Variants in MSANTD2 observed in about 807,000 individuals in gnomAD.
MSANTD2 encodes the protein myb/SANT-like DNA-binding domain-containing protein 2.
MSANTD2 carries 19 observed loss-of-function variants against 52.6 expected under a neutral mutation model. The observed-to-expected ratio is 0.36, with a 90% CI of 0.25 to 0.53. The LOEUF (loss-of-function observed/expected upper bound fraction) is 0.53. MSANTD2 is among the 20% of genes least tolerant of loss of function. The pLI is 0.91. For synonymous variants in MSANTD2, 291 were observed against 289.7 expected, an observed-to-expected ratio of 1.00 and a Z score of -0.04; for missense variants, 558 against 716.3, an observed-to-expected ratio of 0.78 and a Z score of 2.52.
chr11:124,790,598 AG>A (rs1945299538), intron 1 of MSANTD2: 1 of 152,266 alleles, frequency 6.6e-6, no homozygotes, highest in South Asian at 2.1e-4. Flanking sequence ...TACTGCAAGA[AG>A]CCTCTAAATA....
intron 1 of MSANTD2, among the ~76,000 whole-genome samples, chr11:124,794,354 G>A (rs914108236): frequency 6.6e-5 from 10 of 152,136 alleles, no homozygotes. Flanking sequence ...TTAAATATAA[G>A]TGTATGATTG....
intron 1 of MSANTD2, among the ~76,000 whole-genome samples, chr11:124,794,713 G>A (rs959006752): frequency 6.6e-6 from 1 of 152,058 alleles, no homozygotes; most frequent in Non-Finnish European, 1.5e-5. Context: ...TAATTGCAAG[G>A]CTTCAGAGCT....
At position 124,767,394 on chromosome 11, in the gene MSANTD2, A is replaced by C; in HGVS notation, c.1462T>G (p.Cys488Gly). Reference sequence around the variant, plus strand: ...TTCGCTTGGAAATGTAAAAATAAGCACTGCTGTAGAGTCCTGACCTCAGCA... The same window carrying C: ...TTCGCTTGGAAATGTAAAAATAAGCCCTGCTGTAGAGTCCTGACCTCAGCA... Reference protein sequence around the residue: ...GIAEVRTLQQCLFLHFQANTK... With the variant: ...GIAEVRTLQQGLFLHFQANTK... The change falls in exon 4 of 4, where the codon TGC becomes GGC. Residue 488 changes from cysteine (C) to glycine (G), a missense_variant. Around this residue, in one of 2 missense-constraint regions of MSANTD2, gnomAD observed 408 missense variants for 573.6 expected, o/e 0.71. Coordinates refer to ENST00000374979, the MANE Select transcript of MSANTD2 (RefSeq NM_001308027.2). The surrounding 1 kb of genome is among the most constrained non-coding windows in gnomAD (Gnocchi z 6.5). 6.2e-7 allele frequency: 1 copy of C among 1,614,172 alleles called. No individual in the cohort carries two copies. Among genetic ancestry groups the C allele is most frequent in the Non-Finnish European group, 8.5e-7 (1 of 1,180,026 alleles).
At chr11:124,796,985 A>G (rs1481782147) in intron 1 of MSANTD2, among the ~76,000 whole-genome samples, 1 of 152,212 alleles carries the variant, frequency 6.6e-6, no homozygotes, top group East Asian at 1.9e-4. Context: ...TTGAACATCC[A>G]CTTCATAATT....
chr11:124,769,654 T>C (rs1309407738), intron 3 of MSANTD2, among the ~76,000 whole-genome samples: 6 of 152,230 alleles, frequency 3.9e-5, no homozygotes, highest in Non-Finnish European at 8.8e-5. Flanking sequence ...GCCTGACATA[T>C]AGTAGGCACT....
At chr11:124,798,305 C>CT (rs1945562470) in intron 1 of MSANTD2, among the ~76,000 whole-genome samples, 1 of 149,250 alleles carries the variant, frequency 6.7e-6, no homozygotes, top group African/African-American at 2.5e-5. Flanking sequence ...GTCCTAGCTA[C>CT]TGGGGAGGAT....
chr11:124,784,905 T>A lies in MSANTD2; in HGVS notation c.511-9931A>T, dbSNP rs1161653483. On this transcript the variant is annotated intron_variant, in intron 1 of 3. Transcript: ENST00000374979. ...ATGTAAACATTCAAAAAATATATAT[T>A]TTTTGCATTTACACAGTGTAAACTA... is the stretch of plus-strand genomic sequence containing the variant. 2.6e-5 allele frequency among the ~76,000 whole-genome samples: 4 copies of A among 152,130 alleles called. No individual in the cohort carries two copies. In the East Asian group the frequency reaches 5.8e-4, roughly 22 times the overall value.
chr11:124,790,378 CT>C (rs1945292826), intron 1 of MSANTD2: 1 of 152,206 alleles, frequency 6.6e-6, no homozygotes, highest in Admixed American at 6.5e-5. Flanking sequence ...CTATGAAATA[CT>C]GTTATGGTCT....
chr11:124,790,181 C>A (rs920649727), intron 1 of MSANTD2: 6 of 152,300 alleles, frequency 3.9e-5, no homozygotes, highest in African/African-American at 1.4e-4. Context: ...AATTTTAGTT[C>A]TTACTCTCTG....
At position 124,779,527 on chromosome 11, in the gene MSANTD2, G is replaced by A. The variant is rs534551488; in HGVS notation, c.511-4553C>T. ...CATACATGGAATGGAGCACTATAAC[G>A]TGGAGGAACAGAAATAAGGCATAAC... On this transcript the variant is annotated intron_variant, in intron 1 of 3. Transcript: ENST00000374979. This position sits in a 1 kb window ranked among gnomAD's most constrained non-coding sequence, Gnocchi z 4.6. 1.1e-4 allele frequency among the ~76,000 whole-genome samples: 17 copies of A among 152,294 alleles called. No homozygotes were observed. Among genetic ancestry groups the A allele is most frequent in the African/African-American group, 3.9e-4 (16 of 41,548 alleles).
intron 1 of MSANTD2, among the ~76,000 whole-genome samples, chr11:124,788,214 A>T (rs1283352070): frequency 6.6e-6 from 1 of 152,184 alleles, no homozygotes; most frequent in Non-Finnish European, 1.5e-5. Flanking sequence ...CAGAGTGAGG[A>T]ATAGGCCTCA....
intron 1 of MSANTD2, among the ~76,000 whole-genome samples, chr11:124,794,106 A>C (rs112334678): frequency 6.6e-6 from 1 of 152,222 alleles, no homozygotes; most frequent in South Asian, 2.1e-4. Flanking sequence ...TGGCTATCAT[A>C]CTGAACTGAG....
At chr11:124,785,694 G>C (rs891153916) in intron 1 of MSANTD2, among the ~76,000 whole-genome samples, 2 of 151,224 alleles carry the variant, frequency 1.3e-5, no homozygotes, top group Non-Finnish European at 2.9e-5. Flanking sequence ...CCAGACAGCT[G>C]GGGGGGGACT....
intron 1 of MSANTD2, chr11:124,775,185 CAATT>C (rs1944691056): frequency 2.2e-5 from 11 of 507,002 alleles, no homozygotes; most frequent in Admixed American, 3.7e-5. Context: ...AATTATTTTG[CAATT>C]AATTATCCAT....
chr11:124,791,613 G>A (rs1945334181), intron 1 of MSANTD2: 1 of 1,479,320 alleles, frequency 6.8e-7, no homozygotes, highest in Non-Finnish European at 9.4e-7. Context: ...CAATATCAGT[G>A]GGATCGGCAG....
chr11:124,769,165 A>G (rs1289427045), intron 3 of MSANTD2, among the ~76,000 whole-genome samples: 1 of 152,202 alleles, frequency 6.6e-6, no homozygotes, highest in Non-Finnish European at 1.5e-5. Flanking sequence ...CATACCTTCT[A>G]GGGGAGGAGC....
chr11:124,768,495 C>T (rs952848680), intron 3 of MSANTD2, among the ~76,000 whole-genome samples: 7 of 152,244 alleles, frequency 4.6e-5, no homozygotes, highest in South Asian at 2.1e-4. Context: ...AAGTATCTGG[C>T]GTCACTTAAA....
intron 3 of MSANTD2, among the ~76,000 whole-genome samples, chr11:124,769,324 T>G (rs897703364): frequency 6.6e-6 from 1 of 152,184 alleles, no homozygotes; most frequent in Admixed American, 6.5e-5. Flanking sequence ...CCCTCTATCC[T>G]TTAGTTTGTC....
Position 124,767,487 on chromosome 11 carries a change from G to A in MSANTD2, c.1369C>T (p.Leu457Phe), listed in dbSNP as rs777702523. 1.2e-6 allele frequency: 2 copies of A among 1,614,200 alleles called. No homozygotes were observed. The highest frequency in any genetic ancestry group is 8.5e-7 in the Non-Finnish European group (1 of 1,180,028). ...ACCTGTAATGAGGCTTGTGCTGAAA[G>A]GGTTTCCAGGTCAACCCGGCCCTCT... The part of the protein sequence containing the change: ...GKEGRVDLET[L>F]SAQASLQVEI... Residue 457 changes from leucine to phenylalanine, a missense_variant, in exon 4 of 4, where the codon CTT becomes TTT. Physicochemically the swap from Leu to Phe is conservative, Grantham distance 22. Transcript: ENST00000374979. This position sits in a 1 kb window ranked among gnomAD's most constrained non-coding sequence, Gnocchi z 6.5.
Sources: gnomAD v4.1 joint callset for allele counts (sites outside exome capture counted in the v4.1 genomes callset) on GRCh38, gnomAD v4.1.1 for gene constraint, gnomAD v4.1.1 regional missense constraint, Gnocchi (gnomAD v3.1) non-coding constraint, MANE v1.5 for transcripts, NCBI Gene and HGNC (gene_info 2026-07-23, HGNC 2026-07-21) for gene names.